RAD51B: variants seen among roughly 807,000 people sequenced by gnomAD.
RAD51B encodes the protein RAD51 paralog B.
Under a neutral mutation model 42.2 loss-of-function variants are expected in RAD51B, and 38 were observed. The ratio of observed to expected loss-of-function variants is 0.90; its 90% CI spans 0.70 to 1.18. RAD51B has a LOEUF of 1.18. RAD51B is among the 50% of genes most tolerant of loss of function. The pLI, the probability that RAD51B is intolerant of heterozygous loss-of-function variation, is 0.00. For synonymous variants in RAD51B, 154 were observed against 145.2 expected (o/e 1.06, Z -0.43); for missense variants, 373 against 400.7 (o/e 0.93, Z 0.59).
At chr14:68,464,016 T>G (rs954565399) in intron 9 of RAD51B, among the ~76,000 whole-genome samples, 2 of 152,252 alleles carry the variant, frequency 1.3e-5, no homozygotes, top group African/African-American at 4.8e-5. Context: ...GAATGCTGAA[T>G]CTCATTCTGG....
chr14:68,421,651 G>A, intron 9 of RAD51B: 2 of 1,480,946 alleles, frequency 1.4e-6, no homozygotes, highest in Non-Finnish European at 1.9e-6. Context: ...GCTCTCCTGA[G>A]CTACGGAAGG....
Position 68,004,105 on chromosome 14 carries a change from C to T in RAD51B, c.756+116901C>T, listed in dbSNP as rs748196190. On this transcript the variant is annotated intron_variant, in intron 7 of 10. Coordinates refer to ENST00000471583, the MANE Select transcript of RAD51B (RefSeq NM_133510.4). ...CAGCACTTTGGGAGGCCGAGGTGGG[C>T]GGATCACAAGGTCTGGAGATCAAGA... is the stretch of plus-strand genomic sequence containing the variant. Among the ~76,000 whole-genome samples, 21 of 151,838 alleles carry T rather than the reference C, an allele frequency of 1.4e-4. 1 individual carries two copies. The highest frequency in any genetic ancestry group is 2.1e-4 in the Non-Finnish European group (14 of 67,956).
At chr14:68,118,581 G>A (rs1232156264) in intron 7 of RAD51B, among the ~76,000 whole-genome samples, 1 of 152,184 alleles carries the variant, frequency 6.6e-6, no homozygotes, top group Non-Finnish European at 1.5e-5. Flanking sequence ...GCAGATTGCA[G>A]CAATAAGAAG....
At chr14:68,486,660 C>G (rs1226287023) in intron 10 of RAD51B, among the ~76,000 whole-genome samples, 1 of 152,224 alleles carries the variant, frequency 6.6e-6, no homozygotes, top group Admixed American at 6.5e-5. Flanking sequence ...TTCTGACCCT[C>G]ACTGTTTAAG....
At chr14:67,951,681 C>T (rs2074451790) in intron 7 of RAD51B, among the ~76,000 whole-genome samples, 1 of 152,148 alleles carries the variant, frequency 6.6e-6, no homozygotes, top group Non-Finnish European at 1.5e-5. Context: ...TTAAATTGTA[C>T]TTTAACCATA....
exon 11 of RAD51B, chr14:68,594,787 C>T (rs1387330452): frequency 8.1e-7 from 1 of 1,240,758 alleles, no homozygotes; most frequent in Non-Finnish European, 1.0e-6. Flanking sequence ...TGTAGGGCCA[C>T]AAGAATGAGA....
At chr14:67,891,460 A>G (rs191870647) in intron 7 of RAD51B, among the ~76,000 whole-genome samples, 71 of 152,280 alleles carry the variant, frequency 4.7e-4, no homozygotes, top group African/African-American at 1.7e-3. Flanking sequence ...GCTTAGACAA[A>G]TGAATCAAAA....
intron 8 of RAD51B, among the ~76,000 whole-genome samples, chr14:68,300,842 CATGGTCAGCCA>C (rs2081717357): frequency 6.6e-6 from 1 of 152,328 alleles, no homozygotes; most frequent in South Asian, 2.1e-4. Flanking sequence ...AGGCTGTCCC[CATGGTCAGCCA>C]TGATCTATCC....
rs1349080491 is a variant in RAD51B, at chr14:68,577,417, C to G, written c.1037-17068C>G. Among the ~76,000 whole-genome samples, 3 of 152,044 alleles carry G rather than the reference C, an allele frequency of 2.0e-5. No individual in the cohort carries two copies. In the South Asian group the frequency reaches 6.2e-4, roughly 32 times the overall value. ...CTCAAAAAGGAATAACCAAGAACAA[C>G]CCTCTCTCCCTCCTTTAGTTTAGAT... On this transcript the variant is annotated intron_variant, in intron 10 of 10. Coordinates refer to the RAD51B transcript ENST00000487270.
At chr14:68,329,050 C>G (rs1030046442) in intron 8 of RAD51B, among the ~76,000 whole-genome samples, 16 of 151,978 alleles carry the variant, frequency 1.1e-4, no homozygotes, top group Non-Finnish European at 2.1e-4. Context: ...TTGCTGTTGC[C>G]CAGGCTGGAG....
chr14:68,437,991 CAGGGG>C (rs1037287048), intron 9 of RAD51B, among the ~76,000 whole-genome samples: 1 of 152,076 alleles, frequency 6.6e-6, no homozygotes, highest in Non-Finnish European at 1.5e-5. Flanking sequence ...TTTAGTGCTA[CAGGGG>C]AGCACTAAAT....
In RAD51B at chr14:68,331,367, CAAAA is replaced by C. The variant is rs778136542; in HGVS notation, c.853+39402_853+39405del. Among the ~76,000 whole-genome samples, 34 of 32,946 alleles carry C rather than the reference CAAAA, an allele frequency of 1.0e-3. 2 individuals carry two copies. In the East Asian group the frequency reaches 0.017, roughly 17 times the overall value. 21.6% of individuals were successfully genotyped at this position (32,946 alleles called of 152,430 possible). A position where few individuals can be genotyped will look rare whatever the true frequency, so the allele number is the denominator to read the frequency against. On this transcript the variant is annotated intron_variant, in intron 8 of 10. Coordinates refer to ENST00000471583, the MANE Select transcript of RAD51B (RefSeq NM_133510.4). ...TGGGCTACAGAACGAGACTCTGTCT[CAAAA>C]AAAAAAAAAAAAAAGCAATGGTGTT...
chr14:68,037,344 C>T (rs536062355), intron 7 of RAD51B, among the ~76,000 whole-genome samples: 12 of 150,828 alleles, frequency 8.0e-5, no homozygotes, highest in African/African-American at 2.9e-4. Flanking sequence ...CCTCAGCCTC[C>T]CGAGTAGCTG....
chr14:68,267,604 C>T (rs2139571881), intron 7 of RAD51B, among the ~76,000 whole-genome samples: 1 of 152,292 alleles, frequency 6.6e-6, no homozygotes, highest in South Asian at 2.1e-4. Context: ...TATGCCAGAA[C>T]TCCCATAGTA....
intron 10 of RAD51B, among the ~76,000 whole-genome samples, chr14:68,587,186 G>A (rs767438123): frequency 6.6e-6 from 1 of 152,196 alleles, no homozygotes; most frequent in Admixed American, 6.5e-5. Flanking sequence ...ACAAAAGAGG[G>A]GGAGAGTGGT....
chr14:67,862,371 A>G (rs2042191728), intron 4 of RAD51B, among the ~76,000 whole-genome samples: 1 of 151,972 alleles, frequency 6.6e-6, no homozygotes, highest in Admixed American at 6.6e-5. Context: ...TGATTTGTGT[A>G]CTTTTCTGGC....
intron 7 of RAD51B, among the ~76,000 whole-genome samples, chr14:68,066,930 T>C (rs2076659983): frequency 6.6e-6 from 1 of 152,158 alleles, no homozygotes; most frequent in African/African-American, 2.4e-5. Flanking sequence ...AGTTAATTTT[T>C]TTCTAGCAGC....
intron 7 of RAD51B, chr14:68,149,601 A>T (rs2078331017): frequency 6.6e-6 from 1 of 152,176 alleles, no homozygotes; most frequent in African/African-American, 2.4e-5. Flanking sequence ...TTGTGAATGT[A>T]TGCATGTATT....
rs551180748 is a variant in RAD51B at position 68,288,027 on chromosome 14, C to T, written c.757-3857C>T. Among the ~76,000 whole-genome samples the T allele has an allele frequency of 2.6e-5, 4 of 152,274 alleles. No individual in the cohort carries two copies. The East Asian group carries it at 7.7e-4, about 29-fold the overall frequency. ...AAACACTGTGCAAATTGCTCTTACA[C>T]AAATTTAGTACTGAGCATCAGAAGA... is the stretch of plus-strand genomic sequence containing the variant. On this transcript the variant is annotated intron_variant, in intron 7 of 10. Coordinates refer to ENST00000471583, the MANE Select transcript of RAD51B (RefSeq NM_133510.4).
Sources: allele counts gnomAD v4.1 joint callset (sites outside exome capture counted in the v4.1 genomes callset), GRCh38; gene constraint gnomAD v4.1.1; transcripts MANE v1.5; gene names NCBI Gene and HGNC (gene_info 2026-07-23, HGNC 2026-07-21).